Variants in NCKAP1 observed in about 807,000 individuals in gnomAD.
NCKAP1 encodes the protein nck-associated protein 1.
A neutral mutation model predicts 151.2 loss-of-function variants in NCKAP1; 21 were observed. The observed-to-expected ratio is 0.14, with a 90% CI of 0.10 to 0.20. The LOEUF (loss-of-function observed/expected upper bound fraction) is 0.20. Among genes scored for constraint, NCKAP1 ranks in the 10% least tolerant of loss-of-function variants. The pLI is 1.00. For synonymous variants in NCKAP1, 484 were observed against 451.8 expected (o/e 1.07, Z -0.90); for missense variants, 933 against 1,352.1 (o/e 0.69, Z 4.86).
chr2:182,961,045 C>G (rs1335779907), intron 18 of NCKAP1, among the ~76,000 whole-genome samples: 1 of 152,146 alleles, frequency 6.6e-6, no homozygotes, highest in Non-Finnish European at 1.5e-5. Context: ...CCATCTTACA[C>G]CAGTTAGAAT....
chr2:182,956,186 G>A (rs1219268608), intron 20 of NCKAP1, among the ~76,000 whole-genome samples: 1 of 152,068 alleles, frequency 6.6e-6, no homozygotes, highest in African/African-American at 2.4e-5. Context: ...GACTACAGGT[G>A]CCCACCACCA....
chr2:183,010,070 A>G (rs962333190), intron 2 of NCKAP1, among the ~76,000 whole-genome samples: 7 of 152,196 alleles, frequency 4.6e-5, no homozygotes, highest in African/African-American at 1.7e-4. Flanking sequence ...GAATGCACAA[A>G]GAGTTTTCTA....
chr2:182,969,606 C>G (rs1170661454), intron 15 of NCKAP1, among the ~76,000 whole-genome samples: 2 of 150,404 alleles, frequency 1.3e-5, no homozygotes, highest in African/African-American at 2.4e-5. Context: ...GAAATAAAAA[C>G]AGAAACACGA....
intron 1 of NCKAP1, chr2:183,025,089 C>T: frequency 9.0e-7 from 1 of 1,106,978 alleles, no homozygotes; most frequent in Non-Finnish European, 1.3e-6. Context: ...TTATGCACTG[C>T]AGACTATGAA....
intron 15 of NCKAP1, among the ~76,000 whole-genome samples, chr2:182,974,473 T>C (rs994175046): frequency 6.6e-6 from 1 of 152,196 alleles, no homozygotes; most frequent in African/African-American, 2.4e-5. Flanking sequence ...GTCATTTGAA[T>C]GGGACCTAAT....
chr2:182,984,718 G>A (rs2105856970), intron 10 of NCKAP1, among the ~76,000 whole-genome samples: 1 of 152,170 alleles, frequency 6.6e-6, no homozygotes, highest in East Asian at 1.9e-4. Flanking sequence ...CAATAATAAA[G>A]TCATCGTGTC....
chr2:182,964,909 G>T, intron 16 of NCKAP1, 101 bp from the exon 17 acceptor site: 3 of 820,286 alleles, frequency 3.7e-6, no homozygotes, highest in Non-Finnish European at 5.5e-6. Context: ...AATGATAACT[G>T]GTAGCACTGA....
chr2:182,931,419 G>A (rs529720742), intron 26 of NCKAP1, among the ~76,000 whole-genome samples: 1 of 152,082 alleles, frequency 6.6e-6, no homozygotes, highest in East Asian at 1.9e-4. Context: ...TATAAAATAC[G>A]AAGTAAAATA....
At chr2:182,956,806 T>G (rs187710778) in intron 19 of NCKAP1, 42 of 456,354 alleles carry the variant, frequency 9.2e-5, no homozygotes, top group African/African-American at 8.1e-4. Context: ...TACCTTTAGG[T>G]AGTAATGAAT....
At chr2:182,935,399 G>A (rs1696853345) in intron 24 of NCKAP1, 24 bp from the exon 25 acceptor site, 2 of 1,426,762 alleles carry the variant, frequency 1.4e-6, no homozygotes, top group Non-Finnish European at 1.9e-6. Flanking sequence ...AACAGAAGGA[G>A]AAGAGAATAA....
intron 15 of NCKAP1, 65 bp downstream of exon 15, chr2:182,976,828 T>A: frequency 1.0e-6 from 1 of 988,550 alleles, no homozygotes; most frequent in Non-Finnish European, 1.4e-6. Context: ...ATTTTATAGT[T>A]GTTATAAAAT....
rs145511957 is a variant in NCKAP1, at chr2:183,002,210, T to C, written c.429A>G (p.Leu143=). The change falls in exon 5 of 31, where the codon CTA becomes CTG. Residue 143 remains leucine (L), a synonymous_variant. Transcript: ENST00000361354. Reference sequence around the variant, plus strand: ...CTTCAATTCGAGACAGCAGTATCATTAGTGTTGTATAGGTTATAATTAAAT... The same window carrying C: ...CTTCAATTCGAGACAGCAGTATCATCAGTGTTGTATAGGTTATAATTAAAT... ...YLDLIITYTT[L]MILLSRIEER... is the part of the protein sequence containing the mutation. The C allele has an allele frequency of 1.0e-5, 16 of 1,579,152 alleles. No homozygotes were observed. The highest frequency in any genetic ancestry group is 1.4e-5 in the African/African-American group (1 of 74,068).
chr2:182,937,295 A>G (rs1303202952), intron 24 of NCKAP1, among the ~76,000 whole-genome samples: 1 of 152,110 alleles, frequency 6.6e-6, no homozygotes, highest in African/African-American at 2.4e-5. Context: ...TAAAAGTTCT[A>G]AGATACTTCA....
intron 16 of NCKAP1, among the ~76,000 whole-genome samples, chr2:182,965,276 A>T (rs1697544931): frequency 4.5e-4 from 1 of 2,226 alleles, no homozygotes; most frequent in African/African-American, 1.8e-3. Flanking sequence ...TGAACCACTA[A>T]GAAAAAAAAA....
chr2:183,034,888 G>A (rs953741001), intron 1 of NCKAP1, among the ~76,000 whole-genome samples: 16 of 152,070 alleles, frequency 1.1e-4, no homozygotes, highest in African/African-American at 3.4e-4. Flanking sequence ...TTACAGATGA[G>A]GAAAAGTGAA....
rs1400130 is a variant in NCKAP1 at position 182,983,386 on chromosome 2, T to C, written c.1005-4A>G. On this transcript the variant is annotated splice_region_variant and splice_polypyrimidine_tract_variant and intron_variant, in intron 10 of 30. Coordinates refer to ENST00000361354, the MANE Select transcript of NCKAP1 (RefSeq NM_013436.5). ...TCTTTCTCTGTGCATTGAACCACTATGGGGAAAGACACCATAATAGTTTAT... is the reference window on the plus strand; with the variant it reads ...TCTTTCTCTGTGCATTGAACCACTACGGGGAAAGACACCATAATAGTTTAT... 0.22 allele frequency: 354,375 copies of C among 1,590,868 alleles called. 49,042 individuals are homozygous for C. Among genetic ancestry groups the C allele is most frequent in the African/African-American group, 0.66 (49,110 of 74,266 alleles).
intron 15 of NCKAP1, among the ~76,000 whole-genome samples, chr2:182,971,686 A>G (rs1697699922): frequency 6.6e-6 from 1 of 152,196 alleles, no homozygotes; most frequent in African/African-American, 2.4e-5. Flanking sequence ...TAGTAATCAA[A>G]ACAGTATGGT....
rs187109326 is a variant in NCKAP1, at chr2:182,970,019, G to A, written c.1483-2658C>T. Among the ~76,000 whole-genome samples the A allele has an allele frequency of 1.2e-3, 190 of 152,036 alleles. 2 individuals are homozygous for A. The highest frequency in any genetic ancestry group is 4.4e-3 in the African/African-American group (184 of 41,524). ...CTATATGTCAAAGAACTGGAAAACC[G>A]ACATGAAATGGATACATTCCTAGAC... On this transcript the variant is annotated intron_variant, in intron 15 of 30. Transcript: ENST00000361354.
chr2:182,981,148 A>G, intron 13 of NCKAP1, 96 bp downstream of exon 13: 4 of 1,421,776 alleles, frequency 2.8e-6, no homozygotes, highest in East Asian at 2.3e-5. Context: ...CACTTGGCAC[A>G]TGATATTTCA....
Sources: allele counts gnomAD v4.1 joint callset (sites outside exome capture counted in the v4.1 genomes callset), GRCh38; gene constraint gnomAD v4.1.1; transcripts MANE v1.5; gene names NCBI Gene and HGNC (gene_info 2026-07-23, HGNC 2026-07-21).